Variants in ARMH3 observed in about 807,000 individuals in gnomAD.
The protein encoded by ARMH3 is armadillo like helical domain containing 3, also known as armadillo-like helical domain-containing protein 3.
A neutral mutation model predicts 99.1 loss-of-function variants in ARMH3; 60 were observed. That is an observed-to-expected ratio of 0.61 (90% confidence interval 0.49 to 0.75). ARMH3 has a LOEUF of 0.75. Ranked by LOEUF, ARMH3 falls within the 30% of genes least tolerant of loss-of-function variation. The pLI, the probability that ARMH3 is intolerant of heterozygous loss-of-function variation, is 0.00. For missense variants in ARMH3, 679 were observed against 843.1 expected, an observed-to-expected ratio of 0.81 and a Z score of 2.41; for synonymous variants, 285 against 292.8, an observed-to-expected ratio of 0.97 and a Z score of 0.27.
chr10:101,990,340 C>A (rs1190770653), intron 19 of ARMH3, among the ~76,000 whole-genome samples: 3 of 152,038 alleles, frequency 2.0e-5, no homozygotes, highest in Admixed American at 2.0e-4. Context: ...CCCACCACTG[C>A]GCCCAGATAA....
At chr10:101,999,516 G>A (rs2136050108) in intron 15 of ARMH3, among the ~76,000 whole-genome samples, 1 of 152,102 alleles carries the variant, frequency 6.6e-6, no homozygotes, top group South Asian at 2.1e-4. Flanking sequence ...AATAGGAGAA[G>A]CCCACTGGAT....
chr10:101,949,520 C>T (rs1296735028), intron 22 of ARMH3, among the ~76,000 whole-genome samples: 1 of 152,056 alleles, frequency 6.6e-6, no homozygotes, highest in Non-Finnish European at 1.5e-5. Flanking sequence ...CCAAAGGTCA[C>T]TGCTAAATAG....
At chr10:101,919,658 C>T (rs752119155) in intron 23 of ARMH3, among the ~76,000 whole-genome samples, 1 of 152,100 alleles carries the variant, frequency 6.6e-6, no homozygotes, top group Non-Finnish European at 1.5e-5. Context: ...CTGGATCCTA[C>T]GAAACATTCA....
chr10:101,869,071 C>CAA (rs760328201), intron 24 of ARMH3, among the ~76,000 whole-genome samples: 6 of 60,168 alleles, frequency 1.0e-4, no homozygotes, highest in South Asian at 4.9e-4. Flanking sequence ...GACTCTGTCT[C>CAA]AAAAAAAAAA....
intron 24 of ARMH3, among the ~76,000 whole-genome samples, chr10:101,879,713 G>A (rs556193675): frequency 6.6e-6 from 1 of 152,118 alleles, no homozygotes; most frequent in Admixed American, 6.5e-5. Flanking sequence ...ACTACCAGTT[G>A]TTCCTTTCCT....
intron 5 of ARMH3, among the ~76,000 whole-genome samples, chr10:102,028,670 A>G (rs935307017): frequency 2.2e-4 from 33 of 152,210 alleles, no homozygotes; most frequent in African/African-American, 7.5e-4. Context: ...TTCCATTTAT[A>G]TGAGGTGTCC....
intron 2 of ARMH3, among the ~76,000 whole-genome samples, chr10:102,035,358 C>CA (rs781775143): frequency 5.3e-4 from 80 of 152,164 alleles, no homozygotes; most frequent in Non-Finnish European, 9.8e-4. Flanking sequence ...GAGCGAGACT[C>CA]AGTCTCAAAA....
In ARMH3 at chr10:102,000,667, G is replaced by T. The variant is rs1025264482; in HGVS notation, c.1150+1304C>A. 4.1e-5 allele frequency among the ~76,000 whole-genome samples: 6 copies of T among 144,628 alleles called. No individual in the cohort carries two copies. The Admixed American group carries it at 4.2e-4, about 10-fold the overall frequency. The allele number at this position is 144,628 out of a possible 152,430, so 94.9% of individuals were successfully genotyped here. On this transcript the variant is annotated intron_variant, in intron 15 of 25. Coordinates refer to ENST00000370033, the MANE Select transcript of ARMH3 (RefSeq NM_024541.3). ...CACCTGTAGTCCCAGCTACTCAGGA[G>T]CCTGAGGTGGGAGAATCACCTGAGC...
At chr10:101,870,841 A>C (rs2067114914) in intron 24 of ARMH3, among the ~76,000 whole-genome samples, 1 of 152,168 alleles carries the variant, frequency 6.6e-6, no homozygotes, top group African/African-American at 2.4e-5. Flanking sequence ...CAGGAGGCTG[A>C]AGTGGGAGGA....
intron 1 of ARMH3, among the ~76,000 whole-genome samples, chr10:102,052,057 C>G (rs2136300784): frequency 6.6e-6 from 1 of 152,220 alleles, no homozygotes; most frequent in East Asian, 1.9e-4. Flanking sequence ...GCAGGAGATT[C>G]CTGTAAATTA....
At chr10:101,988,767 T>C (rs1408012196) in intron 19 of ARMH3, among the ~76,000 whole-genome samples, 1 of 151,518 alleles carries the variant, frequency 6.6e-6, no homozygotes, top group African/African-American at 2.4e-5. Flanking sequence ...TACTAAAAAA[T>C]ACAAAAATTA....
chr10:101,969,541 C>T (rs1845677706), intron 20 of ARMH3, among the ~76,000 whole-genome samples: 1 of 152,214 alleles, frequency 6.6e-6, no homozygotes, highest in Non-Finnish European at 1.5e-5. Flanking sequence ...TGTACCTAAC[C>T]AAGAAGTCAT....
At chr10:101,849,748 A>G in intron 25 of ARMH3, 28 bp downstream of exon 25, 2 of 1,594,524 alleles carry the variant, frequency 1.3e-6, no homozygotes, top group South Asian at 1.1e-5. Flanking sequence ...GGCCCCTAAG[A>G]CACAGGCAGA....
At chr10:101,961,539 C>T (rs1308317207) in intron 20 of ARMH3, among the ~76,000 whole-genome samples, 2 of 152,084 alleles carry the variant, frequency 1.3e-5, no homozygotes, top group African/African-American at 2.4e-5. Context: ...GAGCTTTGCA[C>T]AGGGTTTATG....
intron 23 of ARMH3, among the ~76,000 whole-genome samples, chr10:101,902,744 C>T (rs2068010610): frequency 1.3e-5 from 2 of 152,064 alleles, no homozygotes; most frequent in Non-Finnish European, 2.9e-5. Context: ...CTACTCAGAA[C>T]CAAGCAGCGC....
chr10:101,969,283 T>C (rs1246969616), intron 20 of ARMH3, among the ~76,000 whole-genome samples: 1 of 152,202 alleles, frequency 6.6e-6, no homozygotes, highest in Non-Finnish European at 1.5e-5. Context: ...TGTAAGTCTA[T>C]AATTACATCA....
chr10:101,872,237 G>A (rs982104444), intron 24 of ARMH3, among the ~76,000 whole-genome samples: 10 of 150,208 alleles, frequency 6.7e-5, no homozygotes, highest in Non-Finnish European at 1.5e-4. Context: ...GTGTGTGTGT[G>A]TCTGTGTAAC....
chr10:101,871,951 G>A (rs1334232517), intron 24 of ARMH3, among the ~76,000 whole-genome samples: 1 of 151,874 alleles, frequency 6.6e-6, no homozygotes, highest in East Asian at 1.9e-4. Context: ...AGTGAGCCGA[G>A]AATGTGCCAC....
At chr10:101,862,088 G>C (rs1056216282) in intron 24 of ARMH3, among the ~76,000 whole-genome samples, 21 of 145,870 alleles carry the variant, frequency 1.4e-4, no homozygotes, top group African/African-American at 4.5e-4. Context: ...TTCTTTGGCA[G>C]AAGGAAACTT....
Sources: gnomAD v4.1 joint callset for allele counts (sites outside exome capture counted in the v4.1 genomes callset) on GRCh38, gnomAD v4.1.1 for gene constraint, MANE v1.5 for transcripts, NCBI Gene and HGNC (gene_info 2026-07-23, HGNC 2026-07-21) for gene names.